BMERB1: variants seen among roughly 807,000 people sequenced by gnomAD.
BMERB1 encodes the protein bMERB domain-containing protein 1.
BMERB1 carries 12 observed loss-of-function variants against 23.6 expected under a neutral mutation model. The ratio of observed to expected loss-of-function variants is 0.51; its 90% CI spans 0.33 to 0.82. The LOEUF (loss-of-function observed/expected upper bound fraction) is 0.82, where lower values mean the gene tolerates loss of function less well. Among genes scored for constraint, BMERB1 ranks in the 40% least tolerant of loss-of-function variants. The pLI is 0.03. For synonymous variants in BMERB1, 122 were observed against 96.6 expected (o/e 1.26, Z -1.54); for missense variants, 247 against 255.4 (o/e 0.97, Z 0.22).
At chr16:15,441,450 C>A (rs2150920819) in intron 1 of BMERB1, among the ~76,000 whole-genome samples, 1 of 152,086 alleles carries the variant, frequency 6.6e-6, no homozygotes, top group Non-Finnish European at 1.5e-5. Context: ...GTGGTGTGAT[C>A]TTGGCTTGCT....
chr16:15,584,166 T>A (rs1269079259), intron 5 of BMERB1: 25 of 635,836 alleles, frequency 3.9e-5, no homozygotes, highest in Non-Finnish European at 5.9e-5. Context: ...ATTAAAGTGA[T>A]GATGGATCCT....
rs1275846659 is a variant in BMERB1, at chr16:15,581,230, C to A, written c.318C>A (p.Thr106=). 3 of 1,611,934 alleles carry A rather than the reference C, an allele frequency of 1.9e-6. No individual in the cohort carries two copies. Among genetic ancestry groups the A allele is most frequent in the Non-Finnish European group, 2.5e-6 (3 of 1,179,138 alleles). Residue 106 remains threonine, a synonymous_variant, in exon 4 of 6, where the codon ACC becomes ACA. Coordinates refer to ENST00000300006, the MANE Select transcript of BMERB1 (RefSeq NM_033201.3). ...TCTTCTTTCCAGAAAAAGAAAAAAC[C>A]AAACTGCAGAAGCAGAGAGAGGATG... ...NLVAIPEKEK[T]KLQKQREDEL...
chr16:15,547,218 G>A (rs2029946271), intron 2 of BMERB1, among the ~76,000 whole-genome samples: 1 of 151,256 alleles, frequency 6.6e-6, no homozygotes, highest in African/African-American at 2.4e-5. Context: ...CACTATGTTG[G>A]CCAGGCTGGT....
intron 2 of BMERB1, among the ~76,000 whole-genome samples, chr16:15,565,241 T>C (rs2072153894): frequency 6.6e-6 from 1 of 152,176 alleles, no homozygotes; most frequent in African/African-American, 2.4e-5. Context: ...CGATTTCTAG[T>C]TCTGGTCCTG....
intron 5 of BMERB1, among the ~76,000 whole-genome samples, chr16:15,585,436 T>A (rs1482989348): frequency 6.6e-6 from 1 of 152,164 alleles, no homozygotes; most frequent in Non-Finnish European, 1.5e-5. Flanking sequence ...CCTAGCAGAT[T>A]TAGCAAATGC....
chr16:15,567,057 C>T (rs1260835725), intron 2 of BMERB1, among the ~76,000 whole-genome samples: 1 of 151,910 alleles, frequency 6.6e-6, no homozygotes, highest in Non-Finnish European at 1.5e-5. Context: ...GTCCCAGCTA[C>T]TCCGTAGGGG....
intron 1 of BMERB1, among the ~76,000 whole-genome samples, chr16:15,506,384 C>T (rs2051591887): frequency 6.6e-6 from 1 of 151,992 alleles, no homozygotes; most frequent in African/African-American, 2.4e-5. Flanking sequence ...ACCGTGTTAG[C>T]CAAGATGGTC....
intron 2 of BMERB1, among the ~76,000 whole-genome samples, chr16:15,563,452 C>T (rs982889988): frequency 6.6e-6 from 1 of 151,998 alleles, no homozygotes; most frequent in Admixed American, 6.6e-5. Flanking sequence ...ATCTCCTGAC[C>T]TCGTGATCTG....
intron 1 of BMERB1, among the ~76,000 whole-genome samples, chr16:15,478,263 G>A (rs977551852): frequency 1.1e-4 from 16 of 152,024 alleles, no homozygotes; most frequent in South Asian, 2.1e-4. Flanking sequence ...GGGTTCAAGC[G>A]ATTCTCCTGC....
intron 2 of BMERB1, among the ~76,000 whole-genome samples, chr16:15,555,382 T>C (rs2030225498): frequency 6.6e-6 from 1 of 152,200 alleles, no homozygotes; most frequent in African/African-American, 2.4e-5. Flanking sequence ...ATAATTTTTT[T>C]ATATCATACA....
At chr16:15,481,919 C>T (rs943098777) in intron 1 of BMERB1, among the ~76,000 whole-genome samples, 4 of 151,228 alleles carry the variant, frequency 2.6e-5, no homozygotes, top group Admixed American at 2.0e-4. Context: ...TTAGTAGAGA[C>T]GGGGTTTCAC....
chr16:15,574,860 T>C (rs2030817424), intron 3 of BMERB1, among the ~76,000 whole-genome samples: 1 of 152,096 alleles, frequency 6.6e-6, no homozygotes, highest in Admixed American at 6.6e-5. Context: ...GGCAGATTGC[T>C]TGAGGCCAAG....
chr16:15,465,050 G>C (rs2051169215), intron 1 of BMERB1, among the ~76,000 whole-genome samples: 1 of 152,146 alleles, frequency 6.6e-6, no homozygotes, highest in Non-Finnish European at 1.5e-5. Context: ...GAACAGTTGC[G>C]TGTCTTGATT....
At chr16:15,526,954 CAT>C (rs1275522644) in intron 2 of BMERB1, among the ~76,000 whole-genome samples, 4 of 146,714 alleles carry the variant, frequency 2.7e-5, no homozygotes, top group African/African-American at 9.9e-5. Context: ...TATAATAAAT[CAT>C]ATTTTATTAT....
At chr16:15,498,030 T>G (rs1473999707) in intron 1 of BMERB1, among the ~76,000 whole-genome samples, 1 of 152,136 alleles carries the variant, frequency 6.6e-6, no homozygotes, top group Admixed American at 6.6e-5. Flanking sequence ...ATACCAACCC[T>G]TGAGATAGAT....
chr16:15,553,551 A>G (rs1411087097), intron 2 of BMERB1, among the ~76,000 whole-genome samples: 1 of 152,266 alleles, frequency 6.6e-6, no homozygotes, highest in Non-Finnish European at 1.5e-5. Flanking sequence ...AAAAACAGCC[A>G]CAGACAATGC....
At chr16:15,512,247 GAAC>G in intron 1 of BMERB1, among the ~76,000 whole-genome samples, 1 of 152,138 alleles carries the variant, frequency 6.6e-6, no homozygotes, top group East Asian at 1.9e-4. Context: ...AACGTCTGCT[GAAC>G]AACTCAGGGC....
intron 1 of BMERB1, among the ~76,000 whole-genome samples, chr16:15,451,192 G>C (rs749336875): frequency 6.6e-6 from 1 of 152,088 alleles, no homozygotes; most frequent in Non-Finnish European, 1.5e-5. Context: ...TTGTTTGTTC[G>C]TTTTCTGAGA....
intron 2 of BMERB1, among the ~76,000 whole-genome samples, chr16:15,533,772 A>T (rs1331497198): frequency 6.6e-6 from 1 of 152,192 alleles, no homozygotes; most frequent in Non-Finnish European, 1.5e-5. Flanking sequence ...GTGTCCTTTG[A>T]AAGCAGAGAA....
Sources: gnomAD v4.1 joint callset for allele counts (sites outside exome capture counted in the v4.1 genomes callset) on GRCh38, gnomAD v4.1.1 for gene constraint, MANE v1.5 for transcripts, NCBI Gene and HGNC (gene_info 2026-07-23, HGNC 2026-07-21) for gene names.